Variants in TMPRSS11A observed in about 807,000 individuals in gnomAD.
TMPRSS11A encodes transmembrane protease serine 11A.
In TMPRSS11A, 53 loss-of-function variants were observed where a neutral mutation model predicts 58.9. The observed-to-expected ratio is 0.90, with a 90% CI of 0.72 to 1.13. The LOEUF (loss-of-function observed/expected upper bound fraction) is 1.13, where lower values mean the gene tolerates loss of function less well. Among genes scored for constraint, TMPRSS11A ranks in the 50% most tolerant of loss-of-function variants. TMPRSS11A has a pLI of 0.00. For missense variants in TMPRSS11A, 493 were observed against 499.3 expected (o/e 0.99, Z 0.12); for synonymous variants, 167 against 169.8 (o/e 0.98, Z 0.13).
At chr4:67,938,142 T>C (rs1441380997) in intron 3 of TMPRSS11A, among the ~76,000 whole-genome samples, 1 of 152,198 alleles carries the variant, frequency 6.6e-6, no homozygotes, top group East Asian at 1.9e-4. Context: ...TTTGCATTAC[T>C]TGGATAATTA....
At chr4:67,927,430 A>T (rs1310399192) in intron 5 of TMPRSS11A, among the ~76,000 whole-genome samples, 1 of 152,218 alleles carries the variant, frequency 6.6e-6, no homozygotes. Context: ...ACAGAGAGAC[A>T]GCACACCTGT....
At chr4:67,948,710 CAACA>C (rs1431230974) in intron 1 of TMPRSS11A, among the ~76,000 whole-genome samples, 2 of 152,146 alleles carry the variant, frequency 1.3e-5, no homozygotes, top group Admixed American at 6.5e-5. Flanking sequence ...TTGAATAGAA[CAACA>C]AACAGAAGTC....
chr4:67,958,636 G>A (rs1287232268), intron 1 of TMPRSS11A, among the ~76,000 whole-genome samples: 1 of 152,192 alleles, frequency 6.6e-6, no homozygotes, highest in Non-Finnish European at 1.5e-5. Context: ...TGTCTCAGAT[G>A]AGACTGTGGA....
At chr4:67,951,262 G>A (rs1721150743) in intron 1 of TMPRSS11A, among the ~76,000 whole-genome samples, 1 of 152,154 alleles carries the variant, frequency 6.6e-6, no homozygotes, top group Non-Finnish European at 1.5e-5. Context: ...GTAATAATTT[G>A]AATAATTTCA....
intron 8 of TMPRSS11A, among the ~76,000 whole-genome samples, chr4:67,916,649 A>G (rs989779904): frequency 3.3e-5 from 5 of 151,930 alleles, no homozygotes; most frequent in African/African-American, 1.2e-4. Flanking sequence ...ACACGGTGAA[A>G]CCCCTTCTTT....
At chr4:67,940,732 AT>A (rs1292526027) in intron 3 of TMPRSS11A, among the ~76,000 whole-genome samples, 1 of 152,170 alleles carries the variant, frequency 6.6e-6, no homozygotes, top group African/African-American at 2.4e-5. Context: ...ACCTTTGAAC[AT>A]CAAATGGCTG....
At position 67,932,048 on chromosome 4, in the gene TMPRSS11A, A is replaced by G. The variant is rs1720638879; in HGVS notation, c.265T>C (p.Phe89Leu). ...ETTENLVDEI[F>L]IDSAWKKNYI... ...TTTTTCTTCCAGGCTGAATCTATAA[A>G]TATCTCATCCACCTGTTACACAACA... The change falls in exon 4 of 10, where the codon TTT becomes CTT. Residue 89 changes from phenylalanine to leucine, a missense_variant. Transcript: ENST00000508048. The G allele has an allele frequency of 1.9e-6, 3 of 1,576,220 alleles. No individual in the cohort carries two copies. The highest frequency in any genetic ancestry group is 2.6e-6 in the Non-Finnish European group (3 of 1,145,894).
intron 1 of TMPRSS11A, among the ~76,000 whole-genome samples, chr4:67,956,713 A>T (rs1721299676): frequency 6.6e-6 from 1 of 152,244 alleles, no homozygotes; most frequent in African/African-American, 2.4e-5. Context: ...CTGTGGAATC[A>T]TATGCTTATC....
rs1308837414 is a variant in TMPRSS11A, at chr4:67,946,491, A to G, written c.92T>C (p.Val31Ala). 3 of 1,610,436 alleles carry G rather than the reference A, an allele frequency of 1.9e-6. No homozygotes were observed. Among genetic ancestry groups the G allele is most frequent in the Non-Finnish European group, 2.5e-6 (3 of 1,178,334 alleles). ...AACCAGGAGACCTATGGTCACTGCCACCACTGTCAGGGACAACACAATGAG... is the reference window on the plus strand; with the variant it reads ...AACCAGGAGACCTATGGTCACTGCCGCCACTGTCAGGGACAACACAATGAG... ...AVLIVLSLTV[V>A]AVTIGLLVHF... Residue 31 changes from valine (V) to alanine (A), a missense_variant, in exon 2 of 10, where the codon GTG becomes GCG. Coordinates refer to ENST00000508048, the MANE Select transcript of TMPRSS11A (RefSeq NM_001114387.2).
At chr4:67,920,447 C>T (rs1428237887) in intron 7 of TMPRSS11A, among the ~76,000 whole-genome samples, 2 of 150,178 alleles carry the variant, frequency 1.3e-5, no homozygotes, top group Admixed American at 1.3e-4. Context: ...AAGGAAGACA[C>T]TGACAAAGTC....
intron 3 of TMPRSS11A, among the ~76,000 whole-genome samples, chr4:67,939,148 C>T (rs1006899109): frequency 1.5e-5 from 2 of 132,364 alleles, no homozygotes; most frequent in African/African-American, 6.3e-5. Flanking sequence ...TAGATGTATT[C>T]CTAGGTATTT....
At chr4:67,913,420 T>C (rs1720055390) in intron 9 of TMPRSS11A, among the ~76,000 whole-genome samples, 1 of 152,196 alleles carries the variant, frequency 6.6e-6, no homozygotes, top group Admixed American at 6.5e-5. Context: ...CCTGAACCGC[T>C]GCCCTGATAA....
chr4:67,946,722 G>T, intron 1 of TMPRSS11A, 151 bp from the exon 2 acceptor site: 1 of 562,518 alleles, frequency 1.8e-6, no homozygotes, highest in South Asian at 4.5e-5. Flanking sequence ...CTGAGAAGAT[G>T]TGTTAAAAAA....
chr4:67,960,027 T>C (rs1243094650), intron 1 of TMPRSS11A, among the ~76,000 whole-genome samples: 1 of 152,200 alleles, frequency 6.6e-6, no homozygotes, highest in African/African-American at 2.4e-5. Flanking sequence ...TAGATGAAGC[T>C]GGAGGCCATA....
At chr4:67,917,378 T>C (rs1267320624) in intron 8 of TMPRSS11A, among the ~76,000 whole-genome samples, 1 of 152,210 alleles carries the variant, frequency 6.6e-6, no homozygotes, top group Non-Finnish European at 1.5e-5. Flanking sequence ...ATATGTTTTT[T>C]AATTGGTAAG....
chr4:67,946,687 T>C lies in TMPRSS11A; in HGVS notation c.12-116A>G, dbSNP rs1721021946. On this transcript the variant is annotated intron_variant, in intron 1 of 9. Transcript: ENST00000508048. ...CTACCTTTCCCTGCAAAAAGGTCTTTAATTTTGTTCAATGTCATCTTGGTC... is the reference window on the plus strand; with the variant it reads ...CTACCTTTCCCTGCAAAAAGGTCTTCAATTTTGTTCAATGTCATCTTGGTC... 4 of 1,075,536 alleles carry C rather than the reference T, an allele frequency of 3.7e-6. No homozygotes were observed. In the South Asian group the frequency reaches 9.8e-5, roughly 26 times the overall value. The allele number at this position is 1,075,536 out of a possible 1,614,324, so 66.6% of individuals were successfully genotyped here.
At chr4:67,928,973 G>T (rs1163337182) in intron 5 of TMPRSS11A, among the ~76,000 whole-genome samples, 1 of 152,204 alleles carries the variant, frequency 6.6e-6, no homozygotes, top group South Asian at 2.1e-4. Context: ...TCTCTAGCTG[G>T]CTGCCTTAGA....
chr4:67,911,736 A>C (rs554879249), intron 9 of TMPRSS11A, among the ~76,000 whole-genome samples: 2 of 152,276 alleles, frequency 1.3e-5, no homozygotes, highest in East Asian at 3.9e-4. Context: ...TTAGTTAAAA[A>C]AGGCAAAAAC....
chr4:67,910,818 C>G lies in TMPRSS11A; in HGVS notation c.*524G>C, dbSNP rs1008042867. 1 of 151,838 alleles carries G rather than the reference C, an allele frequency of 6.6e-6. No homozygotes were observed. The highest frequency in any genetic ancestry group is 6.6e-5 in the Admixed American group (1 of 15,240). 9.4% of individuals were successfully genotyped at this position (151,838 alleles called of 1,614,324 possible). A position where few individuals can be genotyped will look rare whatever the true frequency, so the allele number is the denominator to read the frequency against. On this transcript the variant is annotated 3_prime_UTR_variant, in exon 10 of 10. Coordinates refer to ENST00000508048, the MANE Select transcript of TMPRSS11A (RefSeq NM_001114387.2). ...GACTTTGTTTCCTACATATGACTTT[C>G]TTTTATTGGTGTCTCTCAAATGGGT...
Sources: allele counts gnomAD v4.1 joint callset (sites outside exome capture counted in the v4.1 genomes callset), GRCh38; gene constraint gnomAD v4.1.1; transcripts MANE v1.5; gene names NCBI Gene and HGNC (gene_info 2026-07-23, HGNC 2026-07-21).